Variants in FAM135B observed in about 807,000 individuals in gnomAD.
The protein encoded by FAM135B is family with sequence similarity 135 member B.
A neutral mutation model predicts 127.7 loss-of-function variants in FAM135B; 43 were observed. That is an observed-to-expected ratio of 0.34 (90% CI 0.26 to 0.43). FAM135B has a LOEUF of 0.43. Ranked by LOEUF, FAM135B falls within the 20% of genes least tolerant of loss-of-function variation. FAM135B has a pLI of 1.00. For missense variants in FAM135B, 1,558 were observed against 1,725.6 expected (o/e 0.90, Z 1.72); for synonymous variants, 670 against 665.1 (o/e 1.01, Z -0.11).
chr8:138,348,962 G>A (rs72725627), intron 2 of FAM135B, among the ~76,000 whole-genome samples: 4,031 of 152,336 alleles, frequency 0.026, 80 homozygotes, highest in Middle Eastern at 0.082. Flanking sequence ...GAGAGTTGTG[G>A]CCAGGGCCCA....
intron 2 of FAM135B, among the ~76,000 whole-genome samples, chr8:138,352,434 T>C (rs1829840441): frequency 6.6e-6 from 1 of 152,154 alleles, no homozygotes; most frequent in Non-Finnish European, 1.5e-5. Context: ...ACAAAAAATA[T>C]CAAGAACCAT....
At chr8:138,427,935 C>T (rs1331851812) in intron 1 of FAM135B, among the ~76,000 whole-genome samples, 1 of 152,128 alleles carries the variant, frequency 6.6e-6, no homozygotes, top group Non-Finnish European at 1.5e-5. Context: ...TCTCAGAATT[C>T]TCATCCACCA....
chr8:138,236,276 A>T (rs1398904863), intron 7 of FAM135B, among the ~76,000 whole-genome samples: 1 of 152,090 alleles, frequency 6.6e-6, no homozygotes, highest in Non-Finnish European at 1.5e-5. Flanking sequence ...AACATATTTG[A>T]AATCAGGATT....
At chr8:138,268,198 G>T (rs868673275) in intron 3 of FAM135B, among the ~76,000 whole-genome samples, 1 of 152,184 alleles carries the variant, frequency 6.6e-6, no homozygotes, top group African/African-American at 2.4e-5. Context: ...GGATAAAATA[G>T]ATCAAGCTCC....
At position 138,251,129 on chromosome 8, in the gene FAM135B, T is replaced by A; in HGVS notation, c.369-115A>T. The A allele has an allele frequency of 3.3e-6, 4 of 1,197,256 alleles. 1 individual carries two copies. In the Admixed American group the frequency reaches 6.2e-5, roughly 19 times the overall value. 74.2% of individuals were successfully genotyped at this position (1,197,256 alleles called of 1,614,324 possible). A position where few individuals can be genotyped will look rare whatever the true frequency, so the allele number is the denominator to read the frequency against. On this transcript the variant is annotated intron_variant, in intron 5 of 19. Coordinates refer to ENST00000395297, the MANE Select transcript of FAM135B (RefSeq NM_015912.4). ...CAAGCACCATGCATACATCATCTCG[T>A]TCAATCCTGCAAATGCTCTGCCTGG...
rs1400461881 is a variant in FAM135B, at chr8:138,242,307, C to T, written c.669+635G>A. ...GAGTAGGCCACTAATAAAAACATAG[C>T]ATATACTGGCTTGGGAGAAATATGA... On this transcript the variant is annotated intron_variant, in intron 7 of 19. Transcript: ENST00000395297. This position sits in a 1 kb window ranked among gnomAD's most constrained non-coding sequence, Gnocchi z 9.6. Among the ~76,000 whole-genome samples the T allele has an allele frequency of 2.6e-5, 4 of 150,954 alleles. No individual in the cohort carries two copies. Among genetic ancestry groups the T allele is most frequent in the Middle Eastern group, 3.4e-3 (1 of 292 alleles).
chr8:138,319,005 T>G (rs1827269564), intron 2 of FAM135B, among the ~76,000 whole-genome samples: 1 of 152,228 alleles, frequency 6.6e-6, no homozygotes, highest in African/African-American at 2.4e-5. Context: ...CTTACTATGA[T>G]TTCTGTCTTA....
At chr8:138,309,131 G>A (rs1164578839) in intron 3 of FAM135B, 1 of 387,042 alleles carries the variant, frequency 2.6e-6, no homozygotes. Flanking sequence ...TAAAGTTCAA[G>A]CTGCTCATGT....
intron 1 of FAM135B, among the ~76,000 whole-genome samples, chr8:138,461,711 T>C (rs965784389): frequency 6.6e-6 from 1 of 152,220 alleles, no homozygotes; most frequent in Non-Finnish European, 1.5e-5. Flanking sequence ...CAGTAGTCTA[T>C]GTAAATCATC....
chr8:138,452,645 T>C (rs1836563044), intron 1 of FAM135B, among the ~76,000 whole-genome samples: 1 of 152,126 alleles, frequency 6.6e-6, no homozygotes, highest in South Asian at 2.1e-4. Flanking sequence ...TAACCACTTA[T>C]GAGCTCACAG....
chr8:138,494,833 C>T (rs538315165), intron 1 of FAM135B, among the ~76,000 whole-genome samples: 1 of 118,496 alleles, frequency 8.4e-6, no homozygotes, highest in Non-Finnish European at 1.6e-5. Flanking sequence ...TCTGTTTATA[C>T]TGTAAAAAAA....
intron 7 of FAM135B, among the ~76,000 whole-genome samples, chr8:138,236,393 C>CATACAT (rs1224301455): frequency 7.4e-6 from 1 of 136,020 alleles, no homozygotes; most frequent in African/African-American, 3.0e-5. Context: ...AAAGAACACA[C>CATACAT]ACACATACAC....
intron 7 of FAM135B, among the ~76,000 whole-genome samples, chr8:138,223,837 G>A (rs558521257): frequency 2.6e-5 from 4 of 152,244 alleles, no homozygotes; most frequent in South Asian, 4.2e-4. Context: ...CATATACAAC[G>A]TGGAATACTA....
At chr8:138,197,731 C>T (rs1190223610) in intron 7 of FAM135B, 62 bp from the exon 8 acceptor site, 6 of 1,550,720 alleles carry the variant, frequency 3.9e-6, no homozygotes, top group Middle Eastern at 1.7e-4. Context: ...CAGCACAGGG[C>T]TGTGATGCTC....
intron 7 of FAM135B, among the ~76,000 whole-genome samples, chr8:138,233,803 C>T (rs1261981124): frequency 3.3e-5 from 5 of 150,494 alleles, no homozygotes; most frequent in Non-Finnish European, 7.4e-5. Context: ...ACATAAGGAA[C>T]TCCTACAATT....
In FAM135B at chr8:138,242,915, G is replaced by A. The variant is rs1201170770; in HGVS notation, c.669+27C>T. Reference sequence around the variant, plus strand: ...CTGCAAAGTAAAGTTTGAAAGTTTTGAAGCAACTGCCCCACACAGGCCTTA... The same window carrying A: ...CTGCAAAGTAAAGTTTGAAAGTTTTAAAGCAACTGCCCCACACAGGCCTTA... On this transcript the variant is annotated intron_variant, in intron 7 of 19. Coordinates refer to ENST00000395297, the MANE Select transcript of FAM135B (RefSeq NM_015912.4). This position sits in a 1 kb window ranked among gnomAD's most constrained non-coding sequence, Gnocchi z 9.6. 1.0e-5 allele frequency: 16 copies of A among 1,594,870 alleles called. No homozygotes were observed. Among genetic ancestry groups the A allele is most frequent in the Non-Finnish European group, 1.0e-5 (12 of 1,173,518 alleles).
At chr8:138,467,754 T>A (rs1837454989) in intron 1 of FAM135B, among the ~76,000 whole-genome samples, 1 of 152,174 alleles carries the variant, frequency 6.6e-6, no homozygotes, top group Non-Finnish European at 1.5e-5. Context: ...AGATATAACA[T>A]CAAAAGAAAT....
chr8:138,195,158 G>A (rs2131109953), intron 9 of FAM135B, 100 bp downstream of exon 9: 2 of 1,069,006 alleles, frequency 1.9e-6, no homozygotes, highest in Non-Finnish European at 2.8e-6. Flanking sequence ...GTTACAAGTG[G>A]TGTCTTTTCA....
At chr8:138,145,816 A>T in intron 15 of FAM135B, 143 bp downstream of exon 15, 1 of 551,092 alleles carries the variant, frequency 1.8e-6, no homozygotes, top group Non-Finnish European at 3.2e-6. Flanking sequence ...TCTTCTTTCC[A>T]ACCCATCCAA....
Sources: allele counts gnomAD v4.1 joint callset (sites outside exome capture counted in the v4.1 genomes callset), GRCh38; gene constraint gnomAD v4.1.1; non-coding constraint Gnocchi (gnomAD v3.1); transcripts MANE v1.5; gene names NCBI Gene and HGNC (gene_info 2026-07-23, HGNC 2026-07-21).